The following MED13 variants were observed in gnomAD, a reference collection of about 807,000 sequenced individuals.
MED13 encodes mediator of RNA polymerase II transcription subunit 13.
In MED13, 23 loss-of-function variants were observed where a neutral mutation model predicts 225.2. That is an observed-to-expected ratio of 0.10 (90% CI 0.07 to 0.14). MED13 has a LOEUF of 0.14. MED13 is among the 10% of genes least tolerant of loss of function. MED13 has a pLI of 1.00. For synonymous variants in MED13, 942 were observed against 889.2 expected, an observed-to-expected ratio of 1.06 and a Z score of -1.06; for missense variants, 2,197 against 2,594.5, an observed-to-expected ratio of 0.85 and a Z score of 3.33.
chr17:61,948,512 C>A (rs2079869023), intron 28 of MED13, among the ~76,000 whole-genome samples: 1 of 151,890 alleles, frequency 6.6e-6, no homozygotes, highest in African/African-American at 2.4e-5. Context: ...TCTTATTTAC[C>A]TCTGTTTTTC....
intron 8 of MED13, among the ~76,000 whole-genome samples, chr17:62,019,907 C>A (rs373853962): frequency 1.3e-5 from 2 of 151,834 alleles, no homozygotes; most frequent in Non-Finnish European, 2.9e-5. Flanking sequence ...CCAAGCCTGG[C>A]TAATTTTTTT....
chr17:62,044,942 A>G (rs963038452), intron 3 of MED13, among the ~76,000 whole-genome samples: 10 of 152,242 alleles, frequency 6.6e-5, no homozygotes, highest in Non-Finnish European at 1.5e-4. Flanking sequence ...GATTACAGGC[A>G]TGAGCCACCA....
At chr17:62,035,682 G>A (rs2080796426) in intron 3 of MED13, 74 bp from the exon 4 acceptor site, 3 of 1,435,162 alleles carry the variant, frequency 2.1e-6, no homozygotes, top group Admixed American at 2.6e-5. Context: ...TCTTTATTAG[G>A]AAGTATGCAA....
intron 25 of MED13, 25 bp downstream of exon 25, chr17:61,955,655 C>T (rs2079936775): frequency 6.3e-7 from 1 of 1,576,150 alleles, no homozygotes; most frequent in Admixed American, 2.1e-5. Context: ...AGAATTAAAT[C>T]TGATATAAAC....
At chr17:62,029,781 C>T in intron 7 of MED13, 70 bp downstream of exon 7, 1 of 1,522,248 alleles carries the variant, frequency 6.6e-7, no homozygotes, top group Non-Finnish European at 8.9e-7. Flanking sequence ...ACTGTTTATA[C>T]TTTAGATATC....
rs1167508348 is a variant in MED13 at position 62,000,895 on chromosome 17, TG to T, written c.1968-5531del. On this transcript the variant is annotated intron_variant, in intron 9 of 29. Transcript: ENST00000397786. ...CTCCTACCTCAGCCTCCTGAATAGCTGGGATTACAGGCGCCTGCCACCACGC... is the reference window on the plus strand; with the variant it reads ...CTCCTACCTCAGCCTCCTGAATAGCTGGATTACAGGCGCCTGCCACCACGC... Among the ~76,000 whole-genome samples the T allele has an allele frequency of 2.3e-4, 35 of 152,268 alleles. No homozygotes were observed. The East Asian group carries it at 6.8e-3, about 29-fold the overall frequency.
chr17:62,011,752 A>AT (rs2080511498), intron 8 of MED13, among the ~76,000 whole-genome samples: 1 of 152,218 alleles, frequency 6.6e-6, no homozygotes, highest in African/African-American at 2.4e-5. Context: ...TGACTGATTG[A>AT]TGGGCCTCAC....
intron 3 of MED13, among the ~76,000 whole-genome samples, chr17:62,041,811 G>C (rs1486011525): frequency 6.6e-6 from 1 of 152,136 alleles, no homozygotes; most frequent in Non-Finnish European, 1.5e-5. Context: ...TTGAACTCCT[G>C]AGCTTAAGCA....
rs187914891 is a variant in MED13, at chr17:61,957,165, G to C, written c.5481-684C>G. Among the ~76,000 whole-genome samples the C allele has an allele frequency of 2.6e-3, 398 of 151,690 alleles. 4 individuals are homozygous for C. The highest frequency in any genetic ancestry group is 9.4e-3 in the African/African-American group (389 of 41,320). On this transcript the variant is annotated intron_variant, in intron 23 of 29. Coordinates refer to ENST00000397786, the MANE Select transcript of MED13 (RefSeq NM_005121.3). ...GGGCTCAAGTGATTCTCCTGCCTCA[G>C]CCTTCCGAGCAGCTGAGATTACAGG...
chr17:62,028,584 A>T (rs112976718), intron 8 of MED13, among the ~76,000 whole-genome samples: 31 of 152,100 alleles, frequency 2.0e-4, no homozygotes, highest in African/African-American at 7.2e-4. Context: ...ACTCTTCAAA[A>T]CCCAACACTG....
At position 61,952,959 on chromosome 17, in the gene MED13, A is replaced by G. The variant is rs770032838; in HGVS notation, c.6117+6T>C. 1.4e-5 allele frequency: 22 copies of G among 1,611,422 alleles called. No individual in the cohort carries two copies. The highest frequency in any genetic ancestry group is 2.2e-5 in the South Asian group (2 of 90,774). On this transcript the variant is annotated splice_donor_region_variant and intron_variant, in intron 27 of 29. Transcript: ENST00000397786. ...CGAGAAAAACTAAAACTTGTAACAC[A>G]GTTACCTTGCCCGCATCACCTCCAT...
chr17:62,031,433 T>C lies in MED13; in HGVS notation c.1009+11A>G. On this transcript the variant is annotated intron_variant, in intron 6 of 29. Coordinates refer to ENST00000397786, the MANE Select transcript of MED13 (RefSeq NM_005121.3). Reference sequence around the variant, plus strand: ...AATTACCAGAGCTGATGAGACAAATTACTGCTATACCTGTTTGGACTTCCT... The same window carrying C: ...AATTACCAGAGCTGATGAGACAAATCACTGCTATACCTGTTTGGACTTCCT... 3.2e-6 allele frequency: 5 copies of C among 1,560,376 alleles called. No individual in the cohort carries two copies. Among genetic ancestry groups the C allele is most frequent in the Non-Finnish European group, 4.3e-6 (5 of 1,152,464 alleles).
chr17:61,986,536 TATATC>T (rs1286747258), intron 12 of MED13, among the ~76,000 whole-genome samples: 1 of 152,218 alleles, frequency 6.6e-6, no homozygotes, highest in Non-Finnish European at 1.5e-5. Flanking sequence ...CTTTTATTGT[TATATC>T]ATGTATCTGT....
At chr17:62,056,244 C>T (rs920113153) in intron 2 of MED13, among the ~76,000 whole-genome samples, 2 of 150,528 alleles carry the variant, frequency 1.3e-5, no homozygotes, top group African/African-American at 4.8e-5. Flanking sequence ...AATAAAAGTA[C>T]TTTCTACACG....
At chr17:61,955,098 C>G (rs1603390779) in intron 26 of MED13, among the ~76,000 whole-genome samples, 1 of 152,140 alleles carries the variant, frequency 6.6e-6, no homozygotes, top group East Asian at 1.9e-4. Context: ...AACATAGCAT[C>G]TTCTCCCTTT....
intron 9 of MED13, among the ~76,000 whole-genome samples, chr17:62,003,225 G>T (rs1380808101): frequency 6.6e-6 from 1 of 152,066 alleles, no homozygotes; most frequent in Non-Finnish European, 1.5e-5. Context: ...AGTTAACATA[G>T]CAGCTAAGCC....
At chr17:62,032,703 C>T (rs1051885556) in intron 5 of MED13, among the ~76,000 whole-genome samples, 1 of 152,118 alleles carries the variant, frequency 6.6e-6, no homozygotes, top group Non-Finnish European at 1.5e-5. Context: ...TAAGCCACAT[C>T]CTAACAGAAG....
At position 61,965,300 on chromosome 17, in the gene MED13, G is replaced by C; in HGVS notation, c.4550C>G (p.Thr1517Ser). Residue 1517 changes from threonine to serine, a missense_variant, in exon 20 of 30, where the codon ACT becomes AGT. Physicochemically the swap from Thr to Ser is moderately conservative, Grantham distance 58 (BLOSUM62 1). This residue lies in a region of MED13 where 457 missense variants were observed against 442.2 expected (regional missense o/e 1.03). Coordinates refer to ENST00000397786, the MANE Select transcript of MED13 (RefSeq NM_005121.3). ...ASAASSTMTV[T>S]SGVAISTSVA... ...TGAAGTAGATATGGCAACACCTGAA[G>C]TCACTGTCATAGTGCTGCTCGCTGC... is the stretch of plus-strand genomic sequence containing the variant. 1.2e-6 allele frequency: 2 copies of C among 1,614,230 alleles called. No homozygotes were observed. The highest frequency in any genetic ancestry group is 1.7e-6 in the Non-Finnish European group (2 of 1,180,034).
Position 61,983,100 on chromosome 17 carries a change from A to G in MED13, c.2903T>C (p.Met968Thr), listed in dbSNP as rs2080219049. ...PFIKEGDGSN[M>T]DQEYGTAYTP... ...ATAAGCAGTGCCATATTCTTGATCC[A>G]TATTACTTCCATCACTATCATCACC... is the stretch of plus-strand genomic sequence containing the variant. The change falls in exon 16 of 30, where the codon ATG (methionine) becomes ACG (threonine). Residue 968 changes from methionine to threonine, a missense_variant. Coordinates refer to ENST00000397786, the MANE Select transcript of MED13 (RefSeq NM_005121.3). The G allele has an allele frequency of 1.9e-6, 3 of 1,604,392 alleles. No homozygotes were observed. Among genetic ancestry groups the G allele is most frequent in the South Asian group, 1.1e-5 (1 of 90,262 alleles).
Sources: gnomAD v4.1 joint callset for allele counts (sites outside exome capture counted in the v4.1 genomes callset) on GRCh38, gnomAD v4.1.1 for gene constraint, gnomAD v4.1.1 regional missense constraint, MANE v1.5 for transcripts, NCBI Gene and HGNC (gene_info 2026-07-23, HGNC 2026-07-21) for gene names.